Variants in QKI observed in about 807,000 individuals in gnomAD.
The protein encoded by QKI is KH domain-containing RNA-binding protein QKI.
In QKI, 10 loss-of-function variants were observed where a neutral mutation model predicts 39.0. The observed-to-expected ratio is 0.26, with a 90% CI of 0.16 to 0.43. The LOEUF (loss-of-function observed/expected upper bound fraction) is 0.43, where lower values mean the gene tolerates loss of function less well. QKI is among the 20% of genes least tolerant of loss of function. QKI has a pLI of 1.00. For missense variants in QKI, 218 were observed against 428.0 expected, an observed-to-expected ratio of 0.51 and a Z score of 4.33; for synonymous variants, 204 against 155.4, an observed-to-expected ratio of 1.31 and a Z score of -2.33.
At chr6:163,508,528 CTTTCTTTT>C (rs1296682337) in intron 3 of QKI, among the ~76,000 whole-genome samples, 2 of 15,264 alleles carry the variant, frequency 1.3e-4, no homozygotes, top group Non-Finnish European at 5.3e-4. Flanking sequence ...TTCTTTCTTT[CTTTCTTTT>C]TTTTTTTTTT....
chr6:163,514,261 A>G (rs570428858), intron 3 of QKI, among the ~76,000 whole-genome samples: 5 of 152,274 alleles, frequency 3.3e-5, no homozygotes, highest in Admixed American at 3.3e-4. Context: ...AATAGGTGAC[A>G]CACTGTAAGT....
At chr6:163,465,267 A>C (rs960801414) in intron 2 of QKI, among the ~76,000 whole-genome samples, 1 of 152,182 alleles carries the variant, frequency 6.6e-6, no homozygotes, top group African/African-American at 2.4e-5. Context: ...CTCTGAGGTC[A>C]GGAAGAAGAC....
chr6:163,568,162 G>A (rs1783481284), intron 7 of QKI: 1 of 985,150 alleles, frequency 1.0e-6, no homozygotes, highest in Non-Finnish European at 1.2e-6. Context: ...GAGTTTTAAA[G>A]AAACTGGACA....
At chr6:163,484,911 A>G (rs1179282437) in intron 3 of QKI, among the ~76,000 whole-genome samples, 1 of 152,216 alleles carries the variant, frequency 6.6e-6, no homozygotes, top group Non-Finnish European at 1.5e-5. Flanking sequence ...ATGGTGCCAC[A>G]AGATTTGTTT....
chr6:163,543,974 G>A (rs2128244047), intron 4 of QKI, among the ~76,000 whole-genome samples: 1 of 152,158 alleles, frequency 6.6e-6, no homozygotes, highest in East Asian at 1.9e-4. Context: ...CTCAGTGCAT[G>A]TAATAAATAC....
At position 163,527,275 on chromosome 6, in the gene QKI, C is replaced by T. The variant is rs1347138203; in HGVS notation, c.403-7707C>T. On this transcript the variant is annotated intron_variant, in intron 3 of 7. Coordinates refer to ENST00000361752, the MANE Select transcript of QKI (RefSeq NM_006775.3). ...AAATTGTGTGAAATCTACTTTATGCCCAGTTTCTCAATGAACATTTCTTAA... is the reference window on the plus strand; with the variant it reads ...AAATTGTGTGAAATCTACTTTATGCTCAGTTTCTCAATGAACATTTCTTAA... 2.0e-5 allele frequency among the ~76,000 whole-genome samples: 3 copies of T among 152,064 alleles called. No individual in the cohort carries two copies. The East Asian group carries it at 5.8e-4, about 29-fold the overall frequency.
intron 3 of QKI, among the ~76,000 whole-genome samples, chr6:163,534,464 G>A (rs374889820): frequency 2.8e-4 from 42 of 152,324 alleles, no homozygotes; most frequent in African/African-American, 9.9e-4. Context: ...CAGTTGTAAT[G>A]AAGTGGAAAG....
intron 3 of QKI, among the ~76,000 whole-genome samples, chr6:163,485,745 G>A (rs1777621382): frequency 6.6e-6 from 1 of 152,196 alleles, no homozygotes; most frequent in South Asian, 2.1e-4. Flanking sequence ...CAAAGACTTA[G>A]CAATTCCAGT....
intron 1 of QKI, among the ~76,000 whole-genome samples, chr6:163,436,606 G>A (rs1448809349): frequency 6.6e-6 from 1 of 151,936 alleles, no homozygotes; most frequent in African/African-American, 2.4e-5. Context: ...TTGAGGCCAG[G>A]AGTTCAAGAC....
chr6:163,422,491 G>A (rs1246457801), intron 1 of QKI, among the ~76,000 whole-genome samples: 3 of 152,164 alleles, frequency 2.0e-5, no homozygotes, highest in African/African-American at 4.8e-5. Flanking sequence ...TACTTGGGAC[G>A]CTAAGGAGCG....
At chr6:163,566,274 A>G in intron 6 of QKI, 2 of 1,231,866 alleles carry the variant, frequency 1.6e-6, no homozygotes, top group South Asian at 2.3e-5. Flanking sequence ...TTAAAACCAC[A>G]ATCTGTAGGC....
In QKI at chr6:163,570,840, C is replaced by A; in HGVS notation, c.*130C>A. 1 of 1,216,802 alleles carries A rather than the reference C, an allele frequency of 8.2e-7. No individual in the cohort carries two copies. Among genetic ancestry groups the A allele is most frequent in the Non-Finnish European group, 1.1e-6 (1 of 886,558 alleles). The allele number at this position is 1,216,802 out of a possible 1,614,324, so 75.4% of individuals were successfully genotyped here. On this transcript the variant is annotated 3_prime_UTR_variant, in exon 8 of 8. Transcript: ENST00000361752. ...CAGCGAGCTGAGGCACTTGTCCGTT[C>A]GTCTTACCATCTAACCAAACAAAAG...
chr6:163,455,570 T>A (rs1790854723), intron 2 of QKI, 149 bp downstream of exon 2: 5 of 833,620 alleles, frequency 6.0e-6, no homozygotes, highest in Non-Finnish European at 9.2e-6. Flanking sequence ...CATGATAATT[T>A]AAAAAATTTC....
At chr6:163,567,918 T>C in intron 7 of QKI, 1 of 985,532 alleles carries the variant, frequency 1.0e-6, no homozygotes, top group Non-Finnish European at 1.2e-6. Flanking sequence ...TAGACACAGC[T>C]GTTGTCCACA....
intron 4 of QKI, among the ~76,000 whole-genome samples, chr6:163,556,520 A>C (rs978386913): frequency 2.0e-5 from 3 of 149,704 alleles, no homozygotes; most frequent in Non-Finnish European, 4.4e-5. Context: ...AAAAAAAAAA[A>C]AAAACAACAA....
At chr6:163,525,810 A>C (rs1021906509) in intron 3 of QKI, among the ~76,000 whole-genome samples, 1 of 152,202 alleles carries the variant, frequency 6.6e-6, no homozygotes, top group African/African-American at 2.4e-5. Context: ...GGTTTAACTG[A>C]GTACATTGAG....
At position 163,507,758 on chromosome 6, in the gene QKI, CAAAAG is replaced by C. The variant is rs142232619; in HGVS notation, c.403-27219_403-27215del. On this transcript the variant is annotated intron_variant, in intron 3 of 7. Coordinates refer to ENST00000361752, the MANE Select transcript of QKI (RefSeq NM_006775.3). ...ACGAAAACAAAACCAGAACCAGAAA[CAAAAG>C]AAAAAAATTCGTCAAAATAATCTAG... 2.9e-3 allele frequency among the ~76,000 whole-genome samples: 435 copies of C among 151,944 alleles called. 2 individuals carry two copies. The highest frequency in any genetic ancestry group is 9.7e-3 in the African/African-American group (403 of 41,420).
intron 6 of QKI, chr6:163,565,137 G>C (rs1400919138): frequency 1.0e-6 from 1 of 1,001,042 alleles, no homozygotes; most frequent in Non-Finnish European, 1.2e-6. Flanking sequence ...TTATACCACA[G>C]AACTGTTTAT....
In QKI at chr6:163,572,673, C is replaced by CCCCA; in HGVS notation, c.*1966_*1967insACCC. The CCCCA allele has an allele frequency of 1.5e-5, 1 of 66,996 alleles. No homozygotes were observed. The highest frequency in any genetic ancestry group is 3.2e-5 in the Non-Finnish European group (1 of 31,624). The allele number at this position is 66,996 out of a possible 1,614,324, so 4.2% of individuals were successfully genotyped here. A position where few individuals can be genotyped will look rare whatever the true frequency, so the allele number is the denominator to read the frequency against. On this transcript the variant is annotated 3_prime_UTR_variant, in exon 8 of 8. Transcript: ENST00000361752. ...GGCAAATCTCAAGTGACAGTGGACC[C>CCCCA]CCCCCCCCGCCCAGCTTATCAACTC...
Sources: gnomAD v4.1 joint callset for allele counts (sites outside exome capture counted in the v4.1 genomes callset) on GRCh38, gnomAD v4.1.1 for gene constraint, MANE v1.5 for transcripts, NCBI Gene and HGNC (gene_info 2026-07-23, HGNC 2026-07-21) for gene names.